Variants in BTBD9 observed in about 807,000 individuals in gnomAD.
BTBD9 encodes the protein BTB/POZ domain-containing protein 9.
A neutral mutation model predicts 64.3 loss-of-function variants in BTBD9; 49 were observed. The observed-to-expected ratio is 0.76, with a 90% CI of 0.61 to 0.97. BTBD9 has a LOEUF of 0.97. Among genes scored for constraint, BTBD9 ranks in the 50% least tolerant of loss-of-function variants. The probability of loss-of-function intolerance (pLI) is 0.00; values close to 1 mark genes in which losing one functional copy is unlikely to be tolerated. For missense variants in BTBD9, 598 were observed against 762.1 expected (o/e 0.78, Z 2.53); for synonymous variants, 260 against 274.7 (o/e 0.95, Z 0.53).
chr6:38,387,640 T>C (rs1418649917), intron 6 of BTBD9, among the ~76,000 whole-genome samples: 1 of 152,192 alleles, frequency 6.6e-6, no homozygotes, highest in Admixed American at 6.5e-5. Flanking sequence ...GCAGTTGGTA[T>C]CTAGTCAGTA....
intron 6 of BTBD9, among the ~76,000 whole-genome samples, chr6:38,395,748 C>T (rs956703876): frequency 6.7e-6 from 1 of 150,288 alleles, no homozygotes; most frequent in African/African-American, 2.5e-5. Flanking sequence ...CTCGGTCTGT[C>T]GCCCAGGCTG....
chr6:38,270,239 TTTC>T (rs1408456098), intron 8 of BTBD9, among the ~76,000 whole-genome samples: 4 of 152,292 alleles, frequency 2.6e-5, no homozygotes, highest in East Asian at 1.9e-4. Context: ...CCCTTTTAAC[TTTC>T]TTCTTATTTT....
At chr6:38,530,505 C>T (rs1235247493) in intron 6 of BTBD9, among the ~76,000 whole-genome samples, 2 of 143,112 alleles carry the variant, frequency 1.4e-5, no homozygotes, top group African/African-American at 4.9e-5. Flanking sequence ...CTTCTGGTGG[C>T]CCAACTGTAA....
At chr6:38,595,802 C>T in intron 2 of BTBD9, 5 of 985,236 alleles carry the variant, frequency 5.1e-6, no homozygotes, top group Non-Finnish European at 4.8e-6. Context: ...CCTAAAAGTA[C>T]CCCTGAAGGT....
chr6:38,189,813 A>G (rs1761978669), intron 10 of BTBD9, among the ~76,000 whole-genome samples: 1 of 152,094 alleles, frequency 6.6e-6, no homozygotes, highest in Non-Finnish European at 1.5e-5. Context: ...AGCTGGGATT[A>G]CAGGCACATA....
chr6:38,383,515 C>T (rs7759078), intron 6 of BTBD9, among the ~76,000 whole-genome samples: 55,727 of 151,912 alleles, frequency 0.37, 12,393 homozygotes, highest in East Asian at 0.84. Flanking sequence ...ATACATTCTG[C>T]AGCAAGCAAG....
Position 38,338,445 on chromosome 6 carries a change from CA to C in BTBD9, c.1264+6538del, listed in dbSNP as rs148914751. Among the ~76,000 whole-genome samples, 308 of 152,206 alleles carry C rather than the reference CA, an allele frequency of 2.0e-3. 1 individual carries two copies. Among genetic ancestry groups the C allele is most frequent in the African/African-American group, 6.3e-3 (261 of 41,526 alleles). On this transcript the variant is annotated intron_variant, in intron 7 of 10. Coordinates refer to ENST00000481247, the MANE Select transcript of BTBD9 (RefSeq NM_001099272.2). ...AGATAAGGGGGTCTACTGTACAGAA[CA>C]AAAAGTTACCAGTCTTCCTGGATCC... is the stretch of plus-strand genomic sequence containing the variant.
intron 7 of BTBD9, among the ~76,000 whole-genome samples, chr6:38,316,051 C>A (rs1475834026): frequency 2.0e-5 from 3 of 152,120 alleles, no homozygotes; most frequent in African/African-American, 7.2e-5. Flanking sequence ...CCCTTTATCA[C>A]TATATATGAT....
chr6:38,318,536 T>C (rs1763110888), intron 7 of BTBD9, among the ~76,000 whole-genome samples: 1 of 152,208 alleles, frequency 6.6e-6, no homozygotes, highest in South Asian at 2.1e-4. Flanking sequence ...GGTACTGCCT[T>C]GGTGGTTGTG....
intron 6 of BTBD9, among the ~76,000 whole-genome samples, chr6:38,477,024 T>C (rs1394572371): frequency 6.6e-6 from 1 of 152,136 alleles, no homozygotes; most frequent in African/African-American, 2.4e-5. Flanking sequence ...TTCAGAGAGG[T>C]GACACCTGGG....
At chr6:38,239,187 A>G (rs1763903254) in intron 9 of BTBD9, among the ~76,000 whole-genome samples, 1 of 152,050 alleles carries the variant, frequency 6.6e-6, no homozygotes, top group Non-Finnish European at 1.5e-5. Context: ...AATCCCTGTA[A>G]TCCCAGCACT....
chr6:38,256,320 C>T (rs973086884), intron 9 of BTBD9, 89 bp downstream of exon 9: 12 of 878,184 alleles, frequency 1.4e-5, no homozygotes, highest in African/African-American at 6.7e-5. Flanking sequence ...TGTAATTTGG[C>T]GATTCTATGA....
chr6:38,249,758 C>CAAA (rs386358932), intron 9 of BTBD9, among the ~76,000 whole-genome samples: 31 of 121,740 alleles, frequency 2.5e-4, no homozygotes, highest in Non-Finnish European at 3.1e-4. Context: ...CATTAAGAAT[C>CAAA]AAAAAAAAAA....
At chr6:38,219,551 G>A (rs4711526) in intron 9 of BTBD9, among the ~76,000 whole-genome samples, 3,865 of 151,994 alleles carry the variant, frequency 0.025, 141 homozygotes, top group Admixed American at 0.093. Flanking sequence ...GTTCCATTAC[G>A]TCATATCACC....
In BTBD9 at chr6:38,171,846, C is replaced by A. The variant is rs1315525119; in HGVS notation, c.*3139G>T. 3 of 79,218 alleles carry A rather than the reference C, an allele frequency of 3.8e-5. No homozygotes were observed. The highest frequency in any genetic ancestry group is 3.3e-4 in the Admixed American group (2 of 6,010). The allele number at this position is 79,218 out of a possible 1,614,324, so 4.9% of individuals were successfully genotyped here. A position where few individuals can be genotyped will look rare whatever the true frequency, so the allele number is the denominator to read the frequency against. On this transcript the variant is annotated 3_prime_UTR_variant, in exon 11 of 11. Transcript: ENST00000481247. Reference sequence around the variant, plus strand: ...TCCAATGAAGTTGCCTTTCTACTCTCAAAAAAAAAAAAAAAAAAAAAAAAA... The same window carrying A: ...TCCAATGAAGTTGCCTTTCTACTCTAAAAAAAAAAAAAAAAAAAAAAAAAA...
At chr6:38,402,948 C>A in intron 6 of BTBD9, 1 of 654,118 alleles carries the variant, frequency 1.5e-6, no homozygotes, top group South Asian at 1.7e-5. Context: ...TGGTGTGCAC[C>A]TGTCATCCCA....
intron 10 of BTBD9, among the ~76,000 whole-genome samples, chr6:38,185,602 C>G (rs960952292): frequency 5.9e-5 from 9 of 152,158 alleles, no homozygotes; most frequent in African/African-American, 1.9e-4. Flanking sequence ...CTTTTTACTG[C>G]CAAAACTGTA....
chr6:38,496,300 T>G (rs1039567428), intron 6 of BTBD9, among the ~76,000 whole-genome samples: 1 of 152,156 alleles, frequency 6.6e-6, no homozygotes, highest in African/African-American at 2.4e-5. Flanking sequence ...GATTTGTAAG[T>G]TTATCAAAGA....
rs146697034 is a variant in BTBD9 at position 38,488,495 on chromosome 6, A to C, written c.1154+89105T>G. On this transcript the variant is annotated intron_variant, in intron 6 of 10. Transcript: ENST00000481247. ...ATGAAGAAACACCCAGGGACGAGGC[A>C]GTGACTTCAGGCTGCGATGTGTCGG... is the stretch of plus-strand genomic sequence containing the variant. 6.2e-3 allele frequency among the ~76,000 whole-genome samples: 938 copies of C among 152,312 alleles called. 5 individuals are homozygous for C. Among genetic ancestry groups the C allele is most frequent in the Non-Finnish European group, 0.01 (713 of 68,032 alleles).
Sources: allele counts gnomAD v4.1 joint callset (sites outside exome capture counted in the v4.1 genomes callset), GRCh38; gene constraint gnomAD v4.1.1; transcripts MANE v1.5; gene names NCBI Gene and HGNC (gene_info 2026-07-23, HGNC 2026-07-21).